GRAMD1B: variants seen among roughly 807,000 people sequenced by gnomAD.
GRAMD1B encodes the protein protein Aster-B.
In GRAMD1B, 37 loss-of-function variants were observed where a neutral mutation model predicts 99.7. The observed-to-expected ratio is 0.37, with a 90% CI of 0.29 to 0.49. The LOEUF (loss-of-function observed/expected upper bound fraction) is 0.49, where lower values mean the gene tolerates loss of function less well. Among genes scored for constraint, GRAMD1B ranks in the 20% least tolerant of loss-of-function variants. The pLI, the probability that GRAMD1B is intolerant of heterozygous loss-of-function variation, is 0.98. For synonymous variants in GRAMD1B, 427 were observed against 387.6 expected, an observed-to-expected ratio of 1.10 and a Z score of -1.19; for missense variants, 888 against 1,009.2, an observed-to-expected ratio of 0.88 and a Z score of 1.63.
intron 8 of GRAMD1B, 28 bp downstream of exon 8, chr11:123,600,576 GTGGGAC>G (rs1486500350): frequency 1.0e-5 from 15 of 1,445,748 alleles, no homozygotes; most frequent in Non-Finnish European, 1.3e-5. Context: ...TGCTTTTACT[GTGGGAC>G]TGGCTATCTC....
Position 123,470,583 on chromosome 11 carries a change from G to T in GRAMD1B, c.375-10233G>T, listed in dbSNP as rs1277332167. Among the ~76,000 whole-genome samples the T allele has an allele frequency of 2.0e-5, 3 of 147,464 alleles. No homozygotes were observed. In the Admixed American group the frequency reaches 2.1e-4, roughly 10 times the overall value. ...GGCTGGAGTGCAGTGGCACGATCTC[G>T]GCTTACTGCAACCTCCACCTTTCGG... On this transcript the variant is annotated intron_variant, in intron 1 of 19. Transcript: ENST00000635736.
At chr11:123,434,056 AC>A (rs1195105416) in intron 1 of GRAMD1B, among the ~76,000 whole-genome samples, 2 of 151,718 alleles carry the variant, frequency 1.3e-5, no homozygotes, top group African/African-American at 4.8e-5. Context: ...ACGGAGAAAC[AC>A]CGTCTCTACT....
intron 2 of GRAMD1B, among the ~76,000 whole-genome samples, chr11:123,520,909 T>C (rs1399204729): frequency 2.6e-5 from 4 of 152,160 alleles, no homozygotes; most frequent in Non-Finnish European, 1.5e-5. Flanking sequence ...CTCCATTGCA[T>C]GTGACTGATT....
chr11:123,447,057 T>G (rs1210969673), intron 1 of GRAMD1B, among the ~76,000 whole-genome samples: 1 of 151,966 alleles, frequency 6.6e-6, no homozygotes, highest in East Asian at 1.9e-4. Flanking sequence ...GTGTGGGAGA[T>G]CACTATGTAA....
chr11:123,527,762 C>T (rs778038202), intron 2 of GRAMD1B, among the ~76,000 whole-genome samples: 5 of 152,300 alleles, frequency 3.3e-5, no homozygotes, highest in South Asian at 2.1e-4. Context: ...CATCCTTCCG[C>T]GCCCCTGCTG....
chr11:123,570,608 G>A (rs908775288), intron 2 of GRAMD1B, among the ~76,000 whole-genome samples: 4 of 151,812 alleles, frequency 2.6e-5, no homozygotes, highest in African/African-American at 9.7e-5. Flanking sequence ...ATTTTCAGTA[G>A]AGATGGTGTT....
intron 2 of GRAMD1B, among the ~76,000 whole-genome samples, chr11:123,520,068 T>C (rs1003889632): frequency 6.6e-6 from 1 of 152,190 alleles, no homozygotes; most frequent in African/African-American, 2.4e-5. Context: ...ACACCAATCA[T>C]GTTTTTGTTG....
At chr11:123,557,375 A>G (rs1408125902) in intron 2 of GRAMD1B, among the ~76,000 whole-genome samples, 2 of 152,230 alleles carry the variant, frequency 1.3e-5, no homozygotes, top group East Asian at 3.9e-4. Flanking sequence ...TAGCAGGCAA[A>G]TAACATTTTG....
At chr11:123,618,351 T>C (rs1213134690) in intron 17 of GRAMD1B, 2 of 1,612,846 alleles carry the variant, frequency 1.2e-6, no homozygotes, top group Admixed American at 3.3e-5. Context: ...TTAGGATCTG[T>C]TTCAGGTACT....
rs144035022 is a variant in GRAMD1B at position 123,572,960 on chromosome 11, G to A, written c.453-4407G>A. On this transcript the variant is annotated intron_variant, in intron 2 of 19. Coordinates refer to ENST00000635736, the MANE Select transcript of GRAMD1B (RefSeq NM_001387025.1). Reference sequence around the variant, plus strand: ...CCCCGATGGCTGGGGCAGGGGCGCAGGTAGACCCCGATAGCTGAGGCAGAG... The same window carrying A: ...CCCCGATGGCTGGGGCAGGGGCGCAAGTAGACCCCGATAGCTGAGGCAGAG... 3.8e-3 allele frequency among the ~76,000 whole-genome samples: 579 copies of A among 150,988 alleles called. 6 individuals are homozygous for A. Among genetic ancestry groups the A allele is most frequent in the African/African-American group, 0.013 (540 of 40,980 alleles).
intron 8 of GRAMD1B, 70 bp from the exon 9 acceptor site, chr11:123,603,356 C>G: frequency 3.2e-6 from 3 of 933,478 alleles, no homozygotes; most frequent in Non-Finnish European, 5.2e-6. Flanking sequence ...ACCAGCCCGG[C>G]TCAGTGCCTC....
chr11:123,562,567 T>C (rs1268495350), intron 2 of GRAMD1B, among the ~76,000 whole-genome samples: 1 of 152,228 alleles, frequency 6.6e-6, no homozygotes, highest in Non-Finnish European at 1.5e-5. Context: ...TTTTCACATG[T>C]CACAAAATAT....
intron 17 of GRAMD1B, among the ~76,000 whole-genome samples, chr11:123,616,931 A>G (rs1954484716): frequency 6.6e-6 from 1 of 152,196 alleles, no homozygotes; most frequent in Admixed American, 6.5e-5. Flanking sequence ...ACTGAAATTC[A>G]ACATAAAAGT....
In GRAMD1B at chr11:123,517,278, A is replaced by T. The variant is rs1317613548; in HGVS notation, c.452+36385A>T. On this transcript the variant is annotated intron_variant, in intron 2 of 19. Coordinates refer to ENST00000635736, the MANE Select transcript of GRAMD1B (RefSeq NM_001387025.1). ...TGATTGACCTAACAGAAAGAGCACA[A>T]AACAATGCAAAAATATTCCCAACAA... 3.9e-5 allele frequency among the ~76,000 whole-genome samples: 6 copies of T among 152,358 alleles called. No homozygotes were observed. In the East Asian group the frequency reaches 1.2e-3, roughly 29 times the overall value.
chr11:123,452,991 A>T (rs1949956210), intron 1 of GRAMD1B, among the ~76,000 whole-genome samples: 1 of 152,106 alleles, frequency 6.6e-6, no homozygotes. Context: ...CTTTCAGTGC[A>T]TTTTTCTGAC....
chr11:123,537,586 T>TAAACGCATAC (rs1944099378), intron 2 of GRAMD1B, among the ~76,000 whole-genome samples: 2 of 152,218 alleles, frequency 1.3e-5, no homozygotes, highest in Non-Finnish European at 2.9e-5. Flanking sequence ...TTATCTTGCA[T>TAAACGCATAC]CTGTTAACTC....
At chr11:123,536,961 G>T (rs1944028871) in intron 2 of GRAMD1B, among the ~76,000 whole-genome samples, 1 of 152,180 alleles carries the variant, frequency 6.6e-6, no homozygotes, top group Non-Finnish European at 1.5e-5. Context: ...CAGTAGATTG[G>T]TCTCTCAGAC....
intron 1 of GRAMD1B, among the ~76,000 whole-genome samples, chr11:123,419,529 G>T (rs1948347384): frequency 6.6e-6 from 1 of 152,160 alleles, no homozygotes; most frequent in African/African-American, 2.4e-5. Flanking sequence ...TACTTTGTAG[G>T]CTGAGGCAGG....
At chr11:123,505,642 G>A (rs1387688588) in intron 2 of GRAMD1B, among the ~76,000 whole-genome samples, 5 of 152,250 alleles carry the variant, frequency 3.3e-5, no homozygotes, top group Non-Finnish European at 1.5e-5. Flanking sequence ...GGGCACACAG[G>A]GCTAAGTAAC....
Sources: gnomAD v4.1 joint callset for allele counts (sites outside exome capture counted in the v4.1 genomes callset) on GRCh38, gnomAD v4.1.1 for gene constraint, MANE v1.5 for transcripts, NCBI Gene and HGNC (gene_info 2026-07-23, HGNC 2026-07-21) for gene names.